Variants in MFN2 observed in about 807,000 individuals in gnomAD.
MFN2 encodes the protein mitofusin 2, also known as mitofusin-2.
In MFN2, 43 loss-of-function variants were observed where a neutral mutation model predicts 87.5. The observed-to-expected ratio is 0.49, with a 90% CI of 0.38 to 0.63. The LOEUF is 0.63. MFN2 is among the 30% of genes least tolerant of loss of function. The pLI is 0.00. For synonymous variants in MFN2, 337 were observed against 359.9 expected (o/e 0.94, Z 0.72); for missense variants, 743 against 972.8 (o/e 0.76, Z 3.14).
Position 12,011,712 on chromosome 1 carries a change from T to A in MFN2, c.*147T>A. ...CCCAGTCTCGTACCATTTTGAGCCC[T>A]CCAGCACTACTTATTTTCCCCCACC... On this transcript the variant is annotated 3_prime_UTR_variant, in exon 19 of 19. Coordinates refer to ENST00000235329, the MANE Select transcript of MFN2 (RefSeq NM_014874.4). The A allele has an allele frequency of 1.3e-6, 1 of 785,300 alleles. No homozygotes were observed. The highest frequency in any genetic ancestry group is 2.2e-5 in the Admixed American group (1 of 44,466). 48.6% of individuals were successfully genotyped at this position (785,300 alleles called of 1,614,324 possible).
Position 12,004,548 on chromosome 1 carries a change from G to A in MFN2, c.1327G>A (p.Val443Ile), listed in dbSNP as rs780450613. The change falls in exon 13 of 19, where the codon GTA (valine) becomes ATA (isoleucine). Residue 443 changes from valine (V) to isoleucine (I), a missense_variant. Physicochemically the swap from Val to Ile is conservative, Grantham distance 29. Coordinates refer to ENST00000235329, the MANE Select transcript of MFN2 (RefSeq NM_014874.4). The surrounding 1 kb of genome is among the most constrained non-coding windows in gnomAD (Gnocchi z 4.2). ...AMAEEIRRLS[V>I]LVDDYQMDFH... The stretch of plus-strand genomic sequence containing the variant: ...GGCCGAGGAGATCAGGCGCCTCTCT[G>A]TACTGGTGGACGATTACCAGATGGA... The A allele has an allele frequency of 6.8e-6, 11 of 1,614,054 alleles. No individual in the cohort carries two copies. The African/African-American group carries it at 9.3e-5, about 14-fold the overall frequency.
chr1:12,006,501 T>G (rs1416482377), intron 15 of MFN2, 37 bp from the exon 16 acceptor site: 1 of 1,612,274 alleles, frequency 6.2e-7, no homozygotes, highest in Non-Finnish European at 8.5e-7. Flanking sequence ...AGAGACTCAA[T>G]ACGTCCCCCT....
chr1:11,998,526 C>T (rs543024692), intron 6 of MFN2, among the ~76,000 whole-genome samples: 3 of 149,860 alleles, frequency 2.0e-5, no homozygotes, highest in African/African-American at 4.9e-5. Context: ...CCAGCCCGGG[C>T]GACAGAGCAA....
In MFN2 at chr1:12,011,754, G is replaced by A; in HGVS notation, c.*189G>A. ...TCCCCCACCTTTGCCTGCTGTTGCT[G>A]GAAGAGCTGGCTCATACCCCCAAAG... On this transcript the variant is annotated 3_prime_UTR_variant, in exon 19 of 19. Coordinates refer to ENST00000235329, the MANE Select transcript of MFN2 (RefSeq NM_014874.4). The A allele has an allele frequency of 1.6e-6, 1 of 644,682 alleles. No individual in the cohort carries two copies. Among genetic ancestry groups the A allele is most frequent in the Non-Finnish European group, 2.7e-6 (1 of 364,286 alleles). 39.9% of individuals were successfully genotyped at this position (644,682 alleles called of 1,614,324 possible).
intron 17 of MFN2, among the ~76,000 whole-genome samples, chr1:12,008,908 A>G (rs1404394708): frequency 6.6e-6 from 1 of 152,244 alleles, no homozygotes; most frequent in Non-Finnish European, 1.5e-5. Flanking sequence ...TGCCTGGGCA[A>G]CATTGAGCAC....
rs547229517 is a variant in MFN2, at chr1:12,009,475, C to A, written c.2070-117C>A. 9.0e-6 allele frequency: 13 copies of A among 1,444,716 alleles called. 1 individual carries two copies. The highest frequency in any genetic ancestry group is 8.4e-5 in the African/African-American group (6 of 71,322). The allele number at this position is 1,444,716 out of a possible 1,614,324, so 89.5% of individuals were successfully genotyped here. ...CTGCCAAACCAGGCCTGGCTCAGGGCAGAGCTGCTGGCAGGGATATAGACA... is the reference window on the plus strand; with the variant it reads ...CTGCCAAACCAGGCCTGGCTCAGGGAAGAGCTGCTGGCAGGGATATAGACA... On this transcript the variant is annotated intron_variant, in intron 17 of 18. Transcript: ENST00000235329.
Position 12,007,139 on chromosome 1 carries a change from C to T in MFN2, c.1959C>T (p.Thr653=). 6.2e-7 allele frequency: 1 copy of T among 1,614,228 alleles called. No individual in the cohort carries two copies. The highest frequency in any genetic ancestry group is 1.1e-5 in the South Asian group (1 of 91,090). ...ACGTCTATGAGCGTCTGACCTGGAC[C>T]ACCAAGGCCAAGGAGAGGGCCTTCA... The part of the protein sequence containing the change: ...LLYVYERLTW[T]TKAKERAFKR... Residue 653 remains threonine (T), a synonymous_variant, in exon 17 of 19, where the codon ACC becomes ACT. Transcript: ENST00000235329.
In MFN2 at chr1:12,012,242, A is replaced by G; in HGVS notation, c.*677A>G. ...CTCAGAGGGGAGGGCTGTTGGATGT[A>G]TGGGGAGCTGGCAGAGCAGGTGGCA... On this transcript the variant is annotated 3_prime_UTR_variant, in exon 19 of 19. Transcript: ENST00000235329. 6.4e-6 allele frequency: 1 copy of G among 156,054 alleles called. No homozygotes were observed. 9.7% of individuals were successfully genotyped at this position (156,054 alleles called of 1,614,324 possible).
intron 3 of MFN2, 191 bp from the exon 4 acceptor site, chr1:11,992,364 C>A: frequency 2.9e-6 from 2 of 692,420 alleles, no homozygotes; most frequent in South Asian, 1.7e-5. Context: ...GGCAGTGTTG[C>A]TCCTGAGCCA....
Position 12,005,866 on chromosome 1 carries a change from A to G in MFN2, c.1651A>G (p.Met551Val), listed in dbSNP as rs2100853294. The change falls in exon 15 of 19, where the codon ATG becomes GTG. Residue 551 changes from methionine (M) to valine (V), a missense_variant. By Grantham distance (21) the Met-to-Val change is conservative. Transcript: ENST00000235329. ...GTTCCATTTCTCTCTCGGATGGACC[A>G]TGCTGGTGAATAGGTTCCTGGGCCC... Reference protein sequence around the residue: ...IEFHFSLGWTMLVNRFLGPKN... With the variant: ...IEFHFSLGWTVLVNRFLGPKN... 3 of 1,614,174 alleles carry G rather than the reference A, an allele frequency of 1.9e-6. No homozygotes were observed. The highest frequency in any genetic ancestry group is 2.5e-6 in the Non-Finnish European group (3 of 1,180,026).
In MFN2 at chr1:12,005,906, G is replaced by C; in HGVS notation, c.1691G>C (p.Arg564Pro). 11 of 1,613,702 alleles carry C rather than the reference G, an allele frequency of 6.8e-6. No individual in the cohort carries two copies. Among genetic ancestry groups the C allele is most frequent in the Non-Finnish European group, 9.3e-6 (11 of 1,179,996 alleles). Residue 564 changes from arginine (R) to proline (P), a missense_variant, in exon 15 of 19, where the codon CGG becomes CCG. Physicochemically the swap from Arg to Pro is moderately radical, Grantham distance 103 (BLOSUM62 -2). Transcript: ENST00000235329. ...TTCCTGGGCCCCAAGAACAGCCGTC[G>C]GGCCTTGATGGGCTACAATGACCAG... ...NRFLGPKNSRRALMGYNDQVQ... is the reference protein window; with the variant it reads ...NRFLGPKNSRPALMGYNDQVQ...
At chr1:12,008,568 G>T (rs558953595) in intron 17 of MFN2, among the ~76,000 whole-genome samples, 1 of 151,788 alleles carries the variant, frequency 6.6e-6, no homozygotes, top group South Asian at 2.1e-4. Context: ...CTTCTCAGAC[G>T]GGGCGGCTGC....
rs1238734036 is a variant in MFN2, at chr1:12,006,660, G to T, written c.1839G>T (p.Arg613Ser). The T allele has an allele frequency of 3.1e-6, 5 of 1,613,472 alleles. No homozygotes were observed. Among genetic ancestry groups the T allele is most frequent in the Non-Finnish European group, 4.2e-6 (5 of 1,179,854 alleles). The change falls in exon 16 of 19, where the codon AGG becomes AGT. Residue 613 changes from arginine to serine, a missense_variant. Arg to Ser is a moderately radical substitution (Grantham distance 110). Around this residue, in one of 3 missense-constraint regions of MFN2, gnomAD observed 571 missense variants for 670.7 expected, o/e 0.85. Coordinates refer to ENST00000235329, the MANE Select transcript of MFN2 (RefSeq NM_014874.4). ...MVTGLASLTS[R>S]TSMGILVVGG... Reference sequence around the variant, plus strand: ...CCGGCCTGGCCTCCTTGACATCCAGGACCTCCATGGGCATTCTTGTTGTTG... The same window carrying T: ...CCGGCCTGGCCTCCTTGACATCCAGTACCTCCATGGGCATTCTTGTTGTTG...
chr1:12,004,160 C>A lies in MFN2; in HGVS notation c.1287+42C>A. On this transcript the variant is annotated intron_variant, in intron 12 of 18. Transcript: ENST00000235329. The surrounding 1 kb of genome is among the most constrained non-coding windows in gnomAD (Gnocchi z 4.2). ...AGGCATTCTGGGAAGATTTGGACTC[C>A]GAGTAGAGTCCAGAAGAAAGCAGAC... 1 of 1,611,584 alleles carries A rather than the reference C, an allele frequency of 6.2e-7. No individual in the cohort carries two copies. Among genetic ancestry groups the A allele is most frequent in the South Asian group, 1.1e-5 (1 of 90,894 alleles).
At chr1:11,988,467 A>G (rs147539109) in intron 2 of MFN2, among the ~76,000 whole-genome samples, 110 of 150,516 alleles carry the variant, frequency 7.3e-4, no homozygotes, top group African/African-American at 2.5e-3. Flanking sequence ...TCGAACTCCA[A>G]AGTTCAAGTG....
At chr1:11,992,520 C>T (rs763565006) in intron 3 of MFN2, 35 bp from the exon 4 acceptor site, 4 of 1,614,008 alleles carry the variant, frequency 2.5e-6, no homozygotes, top group Non-Finnish European at 3.4e-6. Flanking sequence ...ACTCCTCTGA[C>T]CACGTGGTGA....
chr1:12,013,313 C>G lies in MFN2; in HGVS notation c.*1748C>G, dbSNP rs565302510. The stretch of plus-strand genomic sequence containing the variant: ...TAAATTTATACCACTGAGGGAGAGA[C>G]CCTTTCTGAAAGAAGTATGGCCAAA... On this transcript the variant is annotated 3_prime_UTR_variant, in exon 19 of 19. Coordinates refer to ENST00000235329, the MANE Select transcript of MFN2 (RefSeq NM_014874.4). 2.1e-6 allele frequency: 1 copy of G among 469,168 alleles called. No homozygotes were observed. The highest frequency in any genetic ancestry group is 1.6e-5 in the South Asian group (1 of 63,928). 29.1% of individuals were successfully genotyped at this position (469,168 alleles called of 1,614,324 possible). A position where few individuals can be genotyped will look rare whatever the true frequency, so the allele number is the denominator to read the frequency against.
Position 12,001,473 on chromosome 1 carries a change from G to A in MFN2, c.889G>A (p.Ala297Thr). 6.2e-7 allele frequency: 1 copy of A among 1,614,124 alleles called. No individual in the cohort carries two copies. Among genetic ancestry groups the A allele is most frequent in the South Asian group, 1.1e-5 (1 of 91,054 alleles). The change falls in exon 9 of 19, where the codon GCC becomes ACC. Residue 297 changes from alanine (A) to threonine (T), a missense_variant. Around this residue, in one of 3 missense-constraint regions of MFN2, gnomAD observed 571 missense variants for 670.7 expected, o/e 0.85. Transcript: ENST00000235329. ...DELGVVDRSQ[A>T]GDRIFFVSAK... is the part of the protein sequence containing the mutation. ...GCTGGGCGTGGTGGATCGATCCCAG[G>A]CCGGGGACCGCATCTTCTTTGTGTC...
At chr1:11,998,480 G>A (rs532074913) in intron 6 of MFN2, among the ~76,000 whole-genome samples, 27 of 152,184 alleles carry the variant, frequency 1.8e-4, no homozygotes, top group African/African-American at 4.6e-4. Flanking sequence ...CCTGGGAGGC[G>A]GAGGTTGCAG....
Sources: allele counts gnomAD v4.1 joint callset (sites outside exome capture counted in the v4.1 genomes callset), GRCh38; gene constraint gnomAD v4.1.1; regional missense constraint gnomAD v4.1.1; non-coding constraint Gnocchi (gnomAD v3.1); transcripts MANE v1.5; gene names NCBI Gene and HGNC (gene_info 2026-07-23, HGNC 2026-07-21).